The following BCAR3 variants were observed in gnomAD, a reference collection of about 807,000 sequenced individuals.
The protein encoded by BCAR3 is breast cancer anti-estrogen resistance protein 3.
Under a neutral mutation model 80.1 loss-of-function variants are expected in BCAR3, and 37 were observed. The observed-to-expected ratio is 0.46, with a 90% CI of 0.36 to 0.61. The LOEUF (loss-of-function observed/expected upper bound fraction) is 0.61. BCAR3 is among the 20% of genes least tolerant of loss of function. The pLI, the probability that BCAR3 is intolerant of heterozygous loss-of-function variation, is 0.00. For synonymous variants in BCAR3, 389 were observed against 418.9 expected (o/e 0.93, Z 0.87); for missense variants, 978 against 1,068.2 (o/e 0.92, Z 1.18).
intron 2 of BCAR3, chr1:93,753,406 C>T (rs1187855799): frequency 6.6e-6 from 1 of 152,194 alleles, no homozygotes; most frequent in Non-Finnish European, 1.5e-5. Context: ...AAGCCTATCT[C>T]TTGGTAGTGG....
Position 93,719,929 on chromosome 1 carries a change from T to C in BCAR3, c.-62-13787A>G, listed in dbSNP as rs188789512. 7.2e-5 allele frequency among the ~76,000 whole-genome samples: 11 copies of C among 152,318 alleles called. No homozygotes were observed. The East Asian group carries it at 2.1e-3, about 29-fold the overall frequency. Reference sequence around the variant, plus strand: ...TTTTATTTTAGAGACAGAATCTCATTATGTTGCCCAAGCTGGAGTGCGGTG... The same window carrying C: ...TTTTATTTTAGAGACAGAATCTCATCATGTTGCCCAAGCTGGAGTGCGGTG... On this transcript the variant is annotated intron_variant, in intron 2 of 13. Transcript: ENST00000370244.
Position 93,582,605 on chromosome 1 carries a change from T to C in BCAR3, c.1382A>G (p.Lys461Arg). ...QGSHTELLTAKQNEAPGPRNS... is the reference protein window; with the variant it reads ...QGSHTELLTARQNEAPGPRNS... ...CCGGGGACCTGGCGCCTCATTCTGC[T>C]TGGCTGTGAGCAGTTCTGTGTGGCT... Residue 461 changes from lysine to arginine, a missense_variant, in exon 7 of 12, where the codon AAG (lysine) becomes AGG (arginine). Lys to Arg is a conservative substitution (Grantham distance 26, BLOSUM62 2). Coordinates refer to ENST00000260502, the MANE Select transcript of BCAR3 (RefSeq NM_003567.4). 1 of 1,613,864 alleles carries C rather than the reference T, an allele frequency of 6.2e-7. No individual in the cohort carries two copies. The highest frequency in any genetic ancestry group is 8.5e-7 in the Non-Finnish European group (1 of 1,179,922).
At chr1:93,696,878 C>T (rs562953801) in intron 3 of BCAR3, among the ~76,000 whole-genome samples, 19 of 152,362 alleles carry the variant, frequency 1.2e-4, no homozygotes, top group Middle Eastern at 3.4e-3. Flanking sequence ...TGTTACTTTC[C>T]ACTTACCAGA....
chr1:93,573,351 C>T lies in BCAR3; in HGVS notation c.1803-1510G>A, dbSNP rs141929740. On this transcript the variant is annotated intron_variant, in intron 8 of 11. Coordinates refer to ENST00000260502, the MANE Select transcript of BCAR3 (RefSeq NM_003567.4). ...GGCAGAGGTTGTAGTGAGCAGATTGCGCCACTGCACTCCAGCCTGGGTAAC... is the reference window on the plus strand; with the variant it reads ...GGCAGAGGTTGTAGTGAGCAGATTGTGCCACTGCACTCCAGCCTGGGTAAC... Among the ~76,000 whole-genome samples the T allele has an allele frequency of 4.9e-3, 741 of 152,074 alleles. 1 individual carries two copies. Among genetic ancestry groups the T allele is most frequent in the Non-Finnish European group, 8.0e-3 (543 of 67,980 alleles).
At chr1:93,814,857 C>G (rs1017164029) in intron 2 of BCAR3, among the ~76,000 whole-genome samples, 2 of 152,182 alleles carry the variant, frequency 1.3e-5, no homozygotes, top group African/African-American at 4.8e-5. Context: ...CTGAACTAAC[C>G]CAGGGATTCT....
At chr1:93,723,677 G>A (rs1024909678) in intron 2 of BCAR3, 2 of 152,106 alleles carry the variant, frequency 1.3e-5, no homozygotes, top group African/African-American at 4.8e-5. Flanking sequence ...GACTTGGGAG[G>A]TTGTTCTTGA....
chr1:93,807,758 T>C (rs1269087381), intron 2 of BCAR3, among the ~76,000 whole-genome samples: 1 of 152,074 alleles, frequency 6.6e-6, no homozygotes, highest in African/African-American at 2.4e-5. Context: ...GATAAGAAAA[T>C]TCCAGTGGTT....
Position 93,755,728 on chromosome 1 carries a change from T to A in BCAR3, c.-62-49586A>T, listed in dbSNP as rs953675018. Reference sequence around the variant, plus strand: ...CCCATCATTAAGCTACACACGACTATATATAAAAAGATATAGAGTGAAGAG... The same window carrying A: ...CCCATCATTAAGCTACACACGACTAAATATAAAAAGATATAGAGTGAAGAG... On this transcript the variant is annotated intron_variant, in intron 2 of 13. Transcript: ENST00000370244. 2.6e-5 allele frequency among the ~76,000 whole-genome samples: 4 copies of A among 152,198 alleles called. No homozygotes were observed. In the East Asian group the frequency reaches 7.7e-4, roughly 29 times the overall value.
intron 8 of BCAR3, among the ~76,000 whole-genome samples, chr1:93,572,806 C>T (rs1019189067): frequency 4.6e-5 from 7 of 152,206 alleles, no homozygotes; most frequent in Admixed American, 6.5e-5. Context: ...CCTGAACGTT[C>T]GGAGCTTACG....
At chr1:93,831,692 C>T (rs1395760780) in intron 2 of BCAR3, among the ~76,000 whole-genome samples, 1 of 152,096 alleles carries the variant, frequency 6.6e-6, no homozygotes, top group Non-Finnish European at 1.5e-5. Context: ...GACCTCTCCC[C>T]TCCTCCCCAG....
At chr1:93,776,120 G>A (rs1038530956) in intron 2 of BCAR3, among the ~76,000 whole-genome samples, 1 of 152,172 alleles carries the variant, frequency 6.6e-6, no homozygotes, top group Non-Finnish European at 1.5e-5. Context: ...TAGAATAGAA[G>A]ATCTCAATGA....
At chr1:93,840,332 C>A (rs12122176) in intron 2 of BCAR3, among the ~76,000 whole-genome samples, 1 of 152,030 alleles carries the variant, frequency 6.6e-6, no homozygotes. Flanking sequence ...GGGAATGGGG[C>A]AATGATCCTG....
At chr1:93,733,011 C>T (rs1335795779) in intron 2 of BCAR3, among the ~76,000 whole-genome samples, 1 of 152,202 alleles carries the variant, frequency 6.6e-6, no homozygotes, top group Non-Finnish European at 1.5e-5. Flanking sequence ...CTGAGTCCCC[C>T]AGCAAAGAAA....
At chr1:93,744,029 G>A (rs1486298175) in intron 2 of BCAR3, among the ~76,000 whole-genome samples, 5 of 152,116 alleles carry the variant, frequency 3.3e-5, no homozygotes, top group Admixed American at 3.3e-4. Flanking sequence ...CTGAGGCCTG[G>A]GAGGCAGCAG....
intron 1 of BCAR3, among the ~76,000 whole-genome samples, chr1:93,676,348 C>A (rs575570924): frequency 2.0e-5 from 3 of 152,282 alleles, no homozygotes; most frequent in Admixed American, 2.0e-4. Context: ...GTGTGTACAA[C>A]AAAACACACA....
intron 2 of BCAR3, among the ~76,000 whole-genome samples, chr1:93,813,376 C>A (rs779444591): frequency 9.9e-5 from 15 of 152,128 alleles, no homozygotes; most frequent in Non-Finnish European, 1.9e-4. Flanking sequence ...CTGCCCCCAC[C>A]CCCTCAATGA....
At chr1:93,743,729 G>C (rs1204579859) in intron 2 of BCAR3, among the ~76,000 whole-genome samples, 2 of 152,148 alleles carry the variant, frequency 1.3e-5, no homozygotes, top group African/African-American at 4.8e-5. Context: ...TTCTTACCCA[G>C]CTACAACTAA....
At chr1:93,823,729 T>C (rs1654297498) in intron 2 of BCAR3, among the ~76,000 whole-genome samples, 1 of 134,072 alleles carries the variant, frequency 7.5e-6, no homozygotes. Context: ...TGAGACGGAG[T>C]CTCGCTCTGT....
chr1:93,812,916 C>A (rs372442621), intron 2 of BCAR3, among the ~76,000 whole-genome samples: 2 of 152,224 alleles, frequency 1.3e-5, no homozygotes, highest in Non-Finnish European at 2.9e-5. Flanking sequence ...TCATCTCCAT[C>A]GGCTTTTTCT....
Sources: gnomAD v4.1 joint callset for allele counts (sites outside exome capture counted in the v4.1 genomes callset) on GRCh38, gnomAD v4.1.1 for gene constraint, MANE v1.5 for transcripts, NCBI Gene and HGNC (gene_info 2026-07-23, HGNC 2026-07-21) for gene names.